KCNG3: variants seen among roughly 807,000 people sequenced by gnomAD.
The protein encoded by KCNG3 is voltage-gated potassium channel regulatory subunit KCNG3.
Under a neutral mutation model 29.0 loss-of-function variants are expected in KCNG3, and 15 were observed. The ratio of observed to expected loss-of-function variants is 0.52; its 90% CI spans 0.35 to 0.80. The LOEUF (loss-of-function observed/expected upper bound fraction) is 0.80. KCNG3 is among the 30% of genes least tolerant of loss of function. The pLI is 0.01. For missense variants in KCNG3, 512 were observed against 605.7 expected (o/e 0.85, Z 1.62); for synonymous variants, 322 against 248.9 (o/e 1.29, Z -2.76).
At chr2:42,454,667 G>A (rs905887617) in intron 1 of KCNG3, among the ~76,000 whole-genome samples, 2 of 151,658 alleles carry the variant, frequency 1.3e-5, no homozygotes, top group South Asian at 4.2e-4. Context: ...AGCCAAGATC[G>A]TGCCATTGTA....
chr2:42,493,043 C>G lies in KCNG3; in HGVS notation c.459G>C (p.Trp153Cys). ...CGAAGGTCCGCCGCATGCGCTCCAG[C>G]CAGCGCCTGGAGGGAGCCGCCTCGG... ...GGAEAAPSRR[W>C]LERMRRTFEE... Residue 153 changes from tryptophan (W) to cysteine (C), a missense_variant, in exon 1 of 2, where the codon TGG becomes TGC. Trp to Cys is a radical substitution (Grantham distance 215). Around this residue, in one of 5 missense-constraint regions of KCNG3, gnomAD observed 228 missense variants for 200.0 expected, o/e 1.14. Coordinates refer to ENST00000306078, the MANE Select transcript of KCNG3 (RefSeq NM_133329.6). The G allele has an allele frequency of 6.6e-7, 1 of 1,520,346 alleles. No homozygotes were observed. The highest frequency in any genetic ancestry group is 8.8e-7 in the Non-Finnish European group (1 of 1,139,024). The allele number at this position is 1,520,346 out of a possible 1,614,324, so 94.2% of individuals were successfully genotyped here. A position where few individuals can be genotyped will look rare whatever the true frequency, so the allele number is the denominator to read the frequency against.
chr2:42,446,162 A>C (rs894913015), intron 1 of KCNG3, among the ~76,000 whole-genome samples: 1 of 151,588 alleles, frequency 6.6e-6, no homozygotes, highest in African/African-American at 2.4e-5. Flanking sequence ...GGTAATTTTA[A>C]ATTTAATTAA....
At chr2:42,390,067 T>A in the KCNG3 span, among the ~76,000 whole-genome samples, 3 of 152,198 alleles carry the variant, frequency 2.0e-5, no homozygotes, top group African/African-American at 7.2e-5. Context: ...AGGCTCTCTA[T>A]GTGGGAAAGG....
the KCNG3 span, among the ~76,000 whole-genome samples, chr2:42,430,980 C>T: frequency 4.0e-5 from 6 of 151,558 alleles, no homozygotes; most frequent in African/African-American, 1.5e-4. Context: ...TGTACACGCA[C>T]CTGTAATCCT....
the KCNG3 span, among the ~76,000 whole-genome samples, chr2:42,435,257 C>T: frequency 2.6e-5 from 4 of 152,222 alleles, no homozygotes; most frequent in Non-Finnish European, 5.9e-5. Flanking sequence ...GAGCCGAGAT[C>T]GCCCCATTGC....
intron 1 of KCNG3, among the ~76,000 whole-genome samples, chr2:42,478,522 C>T (rs534441276): frequency 1.2e-4 from 18 of 152,018 alleles, no homozygotes; most frequent in Non-Finnish European, 1.8e-4. Context: ...TGAGTCACCA[C>T]ACCTGGCCTG....
At chr2:42,480,079 T>C (rs1009897656) in intron 1 of KCNG3, among the ~76,000 whole-genome samples, 3 of 152,134 alleles carry the variant, frequency 2.0e-5, no homozygotes, top group African/African-American at 7.2e-5. Context: ...TCTAAATACT[T>C]GATATCCCAC....
chr2:42,448,579 T>C (rs1006539928), intron 1 of KCNG3, among the ~76,000 whole-genome samples: 1 of 152,132 alleles, frequency 6.6e-6, no homozygotes, highest in African/African-American at 2.4e-5. Flanking sequence ...ACTATGCTAC[T>C]CTCAATTTTC....
the KCNG3 span, among the ~76,000 whole-genome samples, chr2:42,433,602 G>T: frequency 6.6e-6 from 1 of 152,130 alleles, no homozygotes; most frequent in South Asian, 2.1e-4. Flanking sequence ...AGCCAGGCGT[G>T]GTAGCGCACC....
chr2:42,410,836 T>C, the KCNG3 span, among the ~76,000 whole-genome samples: 1 of 152,112 alleles, frequency 6.6e-6, no homozygotes, highest in African/African-American at 2.4e-5. Context: ...AATGCAAAAC[T>C]GTACAGTCAA....
the KCNG3 span, among the ~76,000 whole-genome samples, chr2:42,417,894 T>A: frequency 2.0e-3 from 305 of 151,752 alleles, 1 homozygote; most frequent in African/African-American, 7.1e-3. Flanking sequence ...ATTGCTTGAA[T>A]CCAGGAGGTG....
At position 42,493,714 on chromosome 2, in the gene KCNG3, T is replaced by G; in HGVS notation, c.-213A>C. ...TAGTAGCGCGCCCTCCGCCCGGCGG[T>G]ACCTGCGGGTGGCCGGGGAGTCCTC... is the stretch of plus-strand genomic sequence containing the variant. On this transcript the variant is annotated 5_prime_UTR_variant, in exon 1 of 2. Transcript: ENST00000306078. 2 of 355,288 alleles carry G rather than the reference T, an allele frequency of 5.6e-6. No homozygotes were observed. Among genetic ancestry groups the G allele is most frequent in the Non-Finnish European group, 9.9e-6 (2 of 202,268 alleles). 22.0% of individuals were successfully genotyped at this position (355,288 alleles called of 1,614,324 possible).
At position 42,444,134 on chromosome 2, in the gene KCNG3, T is replaced by C. The variant is rs752746025; in HGVS notation, c.1111A>G (p.Met371Val). 5.0e-6 allele frequency: 8 copies of C among 1,614,180 alleles called. No homozygotes were observed. Among genetic ancestry groups the C allele is most frequent in the Admixed American group, 3.3e-5 (2 of 60,032 alleles). ...ATATCTCCATAGCCAACTGTAGTCA[T>C]AGAGATAATCACCCACCAGCAGGCA... ...PAACWWVIIS[M>V]TTVGYGDMYP... Residue 371 changes from methionine to valine, a missense_variant, in exon 2 of 2, where the codon ATG becomes GTG. Met to Val is a conservative substitution (Grantham distance 21). Coordinates refer to ENST00000306078, the MANE Select transcript of KCNG3 (RefSeq NM_133329.6). This position sits in a 1 kb window ranked among gnomAD's most constrained non-coding sequence, Gnocchi z 5.8.
At chr2:42,463,411 A>G (rs1049409639) in intron 1 of KCNG3, 2 of 161,646 alleles carry the variant, frequency 1.2e-5, no homozygotes, top group African/African-American at 4.8e-5. Flanking sequence ...CCAACTTCTT[A>G]TTCACCTCTG....
the KCNG3 span, among the ~76,000 whole-genome samples, chr2:42,391,786 T>C: frequency 6.6e-6 from 1 of 150,486 alleles, no homozygotes; most frequent in Non-Finnish European, 1.5e-5. Context: ...GTATTTTTAG[T>C]AGAGATGGGG....
At chr2:42,388,357 G>A in the KCNG3 span, 13 of 152,264 alleles carry the variant, frequency 8.5e-5, no homozygotes, top group Middle Eastern at 3.4e-3. Context: ...AAGAATAAAC[G>A]TTTCACATTT....
the KCNG3 span, among the ~76,000 whole-genome samples, chr2:42,417,184 A>G: frequency 6.6e-6 from 1 of 152,244 alleles, no homozygotes; most frequent in Admixed American, 6.5e-5. Flanking sequence ...TGGAGGTTGC[A>G]GTGAGCTGAG....
chr2:42,393,939 C>A, the KCNG3 span, among the ~76,000 whole-genome samples: 1 of 152,094 alleles, frequency 6.6e-6, no homozygotes, highest in Non-Finnish European at 1.5e-5. Flanking sequence ...CGACACCATG[C>A]CCAACTAATT....
rs190796313 is a variant in KCNG3, at chr2:42,442,518, C to T, written c.*1416G>A. 3.1e-4 allele frequency: 47 copies of T among 152,312 alleles called. No individual in the cohort carries two copies. The highest frequency in any genetic ancestry group is 1.1e-3 in the African/African-American group (46 of 41,582). The allele number at this position is 152,312 out of a possible 1,614,324, so 9.4% of individuals were successfully genotyped here. A position where few individuals can be genotyped will look rare whatever the true frequency, so the allele number is the denominator to read the frequency against. ...ATGGCTAAAATTCCTTTAATGAACACTTCTGGTAACCCTTTATTTGATAAA... is the reference window on the plus strand; with the variant it reads ...ATGGCTAAAATTCCTTTAATGAACATTTCTGGTAACCCTTTATTTGATAAA... On this transcript the variant is annotated 3_prime_UTR_variant, in exon 2 of 2. Transcript: ENST00000306078.
Sources: allele counts gnomAD v4.1 joint callset (sites outside exome capture counted in the v4.1 genomes callset), GRCh38; gene constraint gnomAD v4.1.1; regional missense constraint gnomAD v4.1.1; non-coding constraint Gnocchi (gnomAD v3.1); transcripts MANE v1.5; gene names NCBI Gene and HGNC (gene_info 2026-07-23, HGNC 2026-07-21).